STARD7: variants seen among roughly 807,000 people sequenced by gnomAD.
STARD7 encodes the protein stAR-related lipid transfer protein 7, mitochondrial.
In STARD7, 30 loss-of-function variants were observed where a neutral mutation model predicts 45.3. The ratio of observed to expected loss-of-function variants is 0.66; its 90% CI spans 0.50 to 0.90. The LOEUF (loss-of-function observed/expected upper bound fraction) is 0.90. STARD7 is among the 40% of genes least tolerant of loss of function. STARD7 has a pLI of 0.00. For missense variants in STARD7, 495 were observed against 491.3 expected (o/e 1.01, Z -0.07); for synonymous variants, 199 against 183.0 (o/e 1.09, Z -0.70).
rs1683443360 is a variant in STARD7 at position 96,208,470 on chromosome 2, G to A, written c.-36C>T. 7 of 1,358,846 alleles carry A rather than the reference G, an allele frequency of 5.2e-6. No homozygotes were observed. The highest frequency in any genetic ancestry group is 3.6e-5 in the South Asian group (2 of 54,968). The allele number at this position is 1,358,846 out of a possible 1,614,324, so 84.2% of individuals were successfully genotyped here. On this transcript the variant is annotated 5_prime_UTR_variant, in exon 1 of 8. Transcript: ENST00000337288. Reference sequence around the variant, plus strand: ...GCAGGGCCCGCCGCGAGCTTCCGGGGCCCAAGGAACCAGTCCGGAGGGGCG... The same window carrying A: ...GCAGGGCCCGCCGCGAGCTTCCGGGACCCAAGGAACCAGTCCGGAGGGGCG...
At chr2:96,198,110 G>A (rs535225190) in intron 1 of STARD7, among the ~76,000 whole-genome samples, 22 of 152,032 alleles carry the variant, frequency 1.4e-4, no homozygotes, top group Non-Finnish European at 2.8e-4. Context: ...ATCACTCTGA[G>A]GTTGAGTTCG....
chr2:96,193,583 GACAA>G (rs1484833491), intron 3 of STARD7, among the ~76,000 whole-genome samples: 2 of 152,140 alleles, frequency 1.3e-5, no homozygotes, highest in Non-Finnish European at 2.9e-5. Context: ...ATCTTCATTA[GACAA>G]ACCAAGGAAA....
At chr2:96,206,539 G>C (rs1030813266) in intron 1 of STARD7, among the ~76,000 whole-genome samples, 2 of 151,836 alleles carry the variant, frequency 1.3e-5, no homozygotes, top group African/African-American at 4.8e-5. Context: ...GGTGGCTCAC[G>C]CCTGTAATCC....
intron 6 of STARD7, among the ~76,000 whole-genome samples, chr2:96,190,172 G>T (rs1683103269): frequency 2.0e-5 from 3 of 152,034 alleles, no homozygotes; most frequent in African/African-American, 7.2e-5. Flanking sequence ...AAATATACAA[G>T]ATGAACCTAC....
At chr2:96,188,422 T>C (rs1294342631) in intron 6 of STARD7, among the ~76,000 whole-genome samples, 3 of 150,814 alleles carry the variant, frequency 2.0e-5, no homozygotes, top group Non-Finnish European at 3.0e-5. Context: ...ATTACAGGCA[T>C]GCACCACCAT....
chr2:96,208,100 GC>G, intron 1 of STARD7, 44 bp downstream of exon 1: 8 of 1,484,252 alleles, frequency 5.4e-6, no homozygotes, highest in Middle Eastern at 1.8e-4. Context: ...GGGTTCACAA[GC>G]CCCCCCACCC....
At chr2:96,187,550 G>A in intron 6 of STARD7, 2 of 393,806 alleles carry the variant, frequency 5.1e-6, no homozygotes, top group Non-Finnish European at 4.7e-6. Context: ...GGCTCCCTGT[G>A]CATAGACTAT....
At position 96,208,822 on chromosome 2, in the gene STARD7, T is replaced by TA. The variant is rs1683458276; in HGVS notation, c.-389_-388insT. On this transcript the variant is annotated 5_prime_UTR_variant, in exon 1 of 8. Coordinates refer to ENST00000337288, the MANE Select transcript of STARD7 (RefSeq NM_020151.4). ...CGCAAGCTCCCGCGCCTTCCGCGACTGCCACACGCGCGGCGCGCGCGCACC... is the reference window on the plus strand; with the variant it reads ...CGCAAGCTCCCGCGCCTTCCGCGACTAGCCACACGCGCGGCGCGCGCGCACC... The TA allele has an allele frequency of 5.5e-5, 22 of 402,080 alleles. 1 individual carries two copies. The highest frequency in any genetic ancestry group is 4.4e-6 in the Non-Finnish European group (1 of 226,688). 24.9% of individuals were successfully genotyped at this position (402,080 alleles called of 1,614,324 possible).
intron 5 of STARD7, 152 bp downstream of exon 5, chr2:96,192,926 G>A: frequency 3.1e-6 from 2 of 646,204 alleles, no homozygotes; most frequent in Middle Eastern, 3.7e-4. Flanking sequence ...GACAGTCAGA[G>A]TCCCTCATCT....
rs1273202753 is a variant in STARD7 at position 96,208,382 on chromosome 2, C to T, written c.53G>A (p.Gly18Asp). The change falls in exon 1 of 8, where the codon GGC becomes GAC. Residue 18 changes from glycine to aspartate, a missense_variant. By Grantham distance (94) the Gly-to-Asp change is moderately conservative. This residue lies in a region of STARD7 where 282 missense variants were observed against 220.1 expected (regional missense o/e 1.28). Coordinates refer to ENST00000337288, the MANE Select transcript of STARD7 (RefSeq NM_020151.4). ...AAWLAGTRGG[G>D]LLALLANQCR... ...CTGATTGGCCAGAAGCGCCAGCAGGCCCCCGCCCCGCGTCCCCGCCAGCCA... is the reference window on the plus strand; with the variant it reads ...CTGATTGGCCAGAAGCGCCAGCAGGTCCCCGCCCCGCGTCCCCGCCAGCCA... 5 of 1,490,878 alleles carry T rather than the reference C, an allele frequency of 3.4e-6. No individual in the cohort carries two copies. The highest frequency in any genetic ancestry group is 1.3e-5 in the South Asian group (1 of 78,676). 92.4% of individuals were successfully genotyped at this position (1,490,878 alleles called of 1,614,324 possible). A position where few individuals can be genotyped will look rare whatever the true frequency, so the allele number is the denominator to read the frequency against.
At chr2:96,204,560 G>T (rs957844651) in intron 1 of STARD7, among the ~76,000 whole-genome samples, 1 of 152,120 alleles carries the variant, frequency 6.6e-6, no homozygotes, top group African/African-American at 2.4e-5. Flanking sequence ...GTCCCGGAAG[G>T]GGGCGGGAGG....
In STARD7 at chr2:96,208,285, G is replaced by A; in HGVS notation, c.150C>T (p.Ser50=). 4 of 1,610,854 alleles carry A rather than the reference G, an allele frequency of 2.5e-6. No homozygotes were observed. Among genetic ancestry groups the A allele is most frequent in the Non-Finnish European group, 3.4e-6 (4 of 1,179,186 alleles). The change falls in exon 1 of 8, where the codon TCC becomes TCT. Residue 50 remains serine (S), a synonymous_variant. Transcript: ENST00000337288. ...CGAGGAGAACGCGGCGTGAGCTCTCGGAGTAGAGGCGGCCGTAGAGCTGCG... is the reference window on the plus strand; with the variant it reads ...CGAGGAGAACGCGGCGTGAGCTCTCAGAGTAGAGGCGGCCGTAGAGCTGCG... The part of the protein sequence containing the change: ...QIAQLYGRLY[S]ESSRRVLLGR...
At chr2:96,187,385 C>T in intron 6 of STARD7, 84 bp from the exon 7 acceptor site, 1 of 862,860 alleles carries the variant, frequency 1.2e-6, no homozygotes, top group Admixed American at 2.1e-5. Context: ...TAACTATGAT[C>T]TGATTCTGGA....
chr2:96,202,655 ATT>A (rs970163880), intron 1 of STARD7, among the ~76,000 whole-genome samples: 1 of 152,052 alleles, frequency 6.6e-6, no homozygotes, highest in African/African-American at 2.4e-5. Context: ...TTTAAAAAAA[ATT>A]TTTTTCTTCA....
chr2:96,187,496 C>T, intron 6 of STARD7, 195 bp from the exon 7 acceptor site: 1 of 513,014 alleles, frequency 1.9e-6, no homozygotes, highest in African/African-American at 1.9e-5. Context: ...CAATGTTGAC[C>T]CTTGGCCAAC....
intron 1 of STARD7, among the ~76,000 whole-genome samples, chr2:96,205,998 T>C (rs1235557962): frequency 6.6e-6 from 1 of 152,154 alleles, no homozygotes; most frequent in Non-Finnish European, 1.5e-5. Context: ...CTGGAGTTCA[T>C]CTGAACTCCT....
chr2:96,187,389 T>C, intron 6 of STARD7, 88 bp from the exon 7 acceptor site: 1 of 835,530 alleles, frequency 1.2e-6, no homozygotes, highest in Middle Eastern at 2.4e-4. Context: ...TATGATCTGA[T>C]TCTGGAGCAG....
In STARD7 at chr2:96,193,099, T is replaced by C; in HGVS notation, c.722A>G (p.Asn241Ser). 1.2e-6 allele frequency: 2 copies of C among 1,613,546 alleles called. No homozygotes were observed. The highest frequency in any genetic ancestry group is 1.7e-6 in the Non-Finnish European group (2 of 1,179,610). Residue 241 changes from asparagine to serine, a missense_variant, in exon 5 of 8, where the codon AAC (asparagine) becomes AGC (serine). Asn to Ser is a conservative substitution (Grantham distance 46). Around this residue, in one of 2 missense-constraint regions of STARD7, gnomAD observed 213 missense variants for 271.2 expected, o/e 0.79. Coordinates refer to ENST00000337288, the MANE Select transcript of STARD7 (RefSeq NM_020151.4). ...ATACCGCGACACCAACACCATCATGTTGTTTTCCTGATCCACACTATACCG... is the reference window on the plus strand; with the variant it reads ...ATACCGCGACACCAACACCATCATGCTGTTTTCCTGATCCACACTATACCG... ...VRRYSVDQEN[N>S]MMVLVSRAVE...
At chr2:96,208,115 G>C (rs1252445882) in intron 1 of STARD7, 30 bp downstream of exon 1, 2 of 1,486,000 alleles carry the variant, frequency 1.3e-6, no homozygotes, top group Non-Finnish European at 1.8e-6. Flanking sequence ...CCCACCCCAC[G>C]GCCCAGAAAG....
Sources: gnomAD v4.1 joint callset for allele counts (sites outside exome capture counted in the v4.1 genomes callset) on GRCh38, gnomAD v4.1.1 for gene constraint, gnomAD v4.1.1 regional missense constraint, MANE v1.5 for transcripts, NCBI Gene and HGNC (gene_info 2026-07-23, HGNC 2026-07-21) for gene names.